XKR4: variants seen among roughly 807,000 people sequenced by gnomAD.
XKR4 encodes the protein XK-related protein 4.
XKR4 carries 12 observed loss-of-function variants against 53.9 expected under a neutral mutation model. The ratio of observed to expected loss-of-function variants is 0.22; its 90% CI spans 0.14 to 0.36. The LOEUF is 0.36. Among genes scored for constraint, XKR4 ranks in the 10% least tolerant of loss-of-function variants. XKR4 has a pLI of 1.00. For synonymous variants in XKR4, 354 were observed against 362.4 expected (o/e 0.98, Z 0.26); for missense variants, 799 against 859.5 (o/e 0.93, Z 0.88).
chr8:55,503,796 C>T (rs1480556595), intron 2 of XKR4, among the ~76,000 whole-genome samples: 1 of 152,102 alleles, frequency 6.6e-6, no homozygotes, highest in Non-Finnish European at 1.5e-5. Context: ...AGAAGAAAAG[C>T]TTTCAGTCTT....
At chr8:55,242,208 C>T (rs146193818) in intron 1 of XKR4, among the ~76,000 whole-genome samples, 119 of 152,280 alleles carry the variant, frequency 7.8e-4, no homozygotes, top group African/African-American at 2.7e-3. Flanking sequence ...AAGCTTTGTT[C>T]TTGTCCTGAT....
intron 1 of XKR4, among the ~76,000 whole-genome samples, chr8:55,159,768 A>T (rs527369653): frequency 6.6e-6 from 1 of 152,216 alleles, no homozygotes. Flanking sequence ...GTAACCCATG[A>T]AGTTGAAACT....
In XKR4 at chr8:55,102,643, G is replaced by A; in HGVS notation, c.155G>A (p.Gly52Asp). The A allele has an allele frequency of 1.5e-6, 2 of 1,350,158 alleles. No homozygotes were observed. Among genetic ancestry groups the A allele is most frequent in the Non-Finnish European group, 1.9e-6 (2 of 1,037,846 alleles). 83.6% of individuals were successfully genotyped at this position (1,350,158 alleles called of 1,614,324 possible). The change falls in exon 1 of 3, where the codon GGC (glycine) becomes GAC (aspartate). Residue 52 changes from glycine to aspartate, a missense_variant. Physicochemically the swap from Gly to Asp is moderately conservative, Grantham distance 94 (BLOSUM62 -1). Around this residue, in one of 3 missense-constraint regions of XKR4, gnomAD observed 476 missense variants for 505.4 expected, o/e 0.94. Coordinates refer to ENST00000327381, the MANE Select transcript of XKR4 (RefSeq NM_052898.2). This position sits in a 1 kb window ranked among gnomAD's most constrained non-coding sequence, Gnocchi z 5.1. ...SGAEDEEAAG[G>D]GCCPDGGGCS... is the part of the protein sequence containing the mutation. ...GCCGAGGACGAGGAGGCGGCCGGGG[G>A]CGGCTGCTGCCCGGACGGCGGCGGC...
intron 2 of XKR4, among the ~76,000 whole-genome samples, chr8:55,422,760 TGCA>T (rs1308049285): frequency 2.0e-5 from 3 of 152,158 alleles, no homozygotes; most frequent in African/African-American, 7.2e-5. Context: ...AATTTAATTC[TGCA>T]GCAAAGCATA....
chr8:55,194,455 G>A (rs1393852882), intron 1 of XKR4, among the ~76,000 whole-genome samples: 1 of 152,126 alleles, frequency 6.6e-6, no homozygotes, highest in Non-Finnish European at 1.5e-5. Context: ...CACGATTGCA[G>A]GACATTATTC....
intron 1 of XKR4, among the ~76,000 whole-genome samples, chr8:55,291,815 G>GT (rs1056990033): frequency 1.9e-4 from 29 of 152,244 alleles, no homozygotes; most frequent in Admixed American, 3.3e-4. Flanking sequence ...TAGGGACAAA[G>GT]TTTTTTGTAG....
At chr8:55,345,350 T>C (rs967005643) in intron 1 of XKR4, among the ~76,000 whole-genome samples, 2 of 152,010 alleles carry the variant, frequency 1.3e-5, no homozygotes, top group Non-Finnish European at 2.9e-5. Flanking sequence ...AAAATAAGCC[T>C]TTATGAAATA....
chr8:55,276,954 A>T (rs912708379), intron 1 of XKR4, among the ~76,000 whole-genome samples: 2 of 152,214 alleles, frequency 1.3e-5, no homozygotes, highest in African/African-American at 4.8e-5. Context: ...GTCATGGAAT[A>T]TTTGTTTATG....
intron 1 of XKR4, among the ~76,000 whole-genome samples, chr8:55,329,683 T>A (rs1803354733): frequency 6.6e-6 from 1 of 152,230 alleles, no homozygotes; most frequent in Non-Finnish European, 1.5e-5. Flanking sequence ...GTTCCTTCTC[T>A]AAAATGTATT....
At chr8:55,400,053 TTG>T (rs1804576794) in intron 2 of XKR4, among the ~76,000 whole-genome samples, 2 of 152,296 alleles carry the variant, frequency 1.3e-5, no homozygotes, top group African/African-American at 4.8e-5. Flanking sequence ...ATCCATACCT[TTG>T]TCTTTCTCAG....
intron 1 of XKR4, among the ~76,000 whole-genome samples, chr8:55,155,370 A>G (rs549209104): frequency 6.1e-4 from 93 of 152,338 alleles, no homozygotes; most frequent in African/African-American, 2.1e-3. Context: ...CGAAGCACAG[A>G]CCAGAACAAA....
intron 1 of XKR4, among the ~76,000 whole-genome samples, chr8:55,297,664 T>TA (rs947207056): frequency 1.3e-4 from 20 of 152,194 alleles, no homozygotes; most frequent in Non-Finnish European, 2.9e-5. Context: ...CATAAGTTTT[T>TA]AAAAAATATT....
At chr8:55,391,836 G>A (rs538997811) in intron 2 of XKR4, among the ~76,000 whole-genome samples, 4 of 152,198 alleles carry the variant, frequency 2.6e-5, no homozygotes, top group African/African-American at 7.2e-5. Context: ...TTAAACCAGT[G>A]TTTTGGCTAT....
chr8:55,295,070 C>T (rs964299436), intron 1 of XKR4, among the ~76,000 whole-genome samples: 2 of 152,092 alleles, frequency 1.3e-5, no homozygotes, highest in East Asian at 1.9e-4. Context: ...TACAAAAATA[C>T]GCATTTTATT....
intron 1 of XKR4, among the ~76,000 whole-genome samples, chr8:55,272,435 A>G (rs1217452281): frequency 2.0e-5 from 3 of 152,346 alleles, no homozygotes; most frequent in African/African-American, 7.2e-5. Context: ...GGTGTTCAAC[A>G]GAATGTGTGG....
intron 1 of XKR4, among the ~76,000 whole-genome samples, chr8:55,271,747 A>C (rs1818693507): frequency 6.6e-6 from 1 of 152,174 alleles, no homozygotes; most frequent in African/African-American, 2.4e-5. Context: ...TTAAGTGGGA[A>C]CTGTGGACAA....
At chr8:55,480,989 A>T (rs1346614696) in intron 2 of XKR4, among the ~76,000 whole-genome samples, 8 of 152,186 alleles carry the variant, frequency 5.3e-5, no homozygotes, top group South Asian at 2.1e-4. Context: ...TAATTTATAG[A>T]TTCAATGCCA....
intron 1 of XKR4, among the ~76,000 whole-genome samples, chr8:55,126,285 C>T (rs1816467770): frequency 6.6e-6 from 1 of 152,138 alleles, no homozygotes; most frequent in African/African-American, 2.4e-5. Flanking sequence ...TTTTGTTCTT[C>T]TGGGGAAACA....
intron 2 of XKR4, among the ~76,000 whole-genome samples, chr8:55,392,012 C>A (rs1051499994): frequency 1.3e-5 from 2 of 152,016 alleles, no homozygotes; most frequent in African/African-American, 4.8e-5. Context: ...TTGTTAGGAA[C>A]CAAGGCTATC....
Sources: gnomAD v4.1 joint callset for allele counts (sites outside exome capture counted in the v4.1 genomes callset) on GRCh38, gnomAD v4.1.1 for gene constraint, gnomAD v4.1.1 regional missense constraint, Gnocchi (gnomAD v3.1) non-coding constraint, MANE v1.5 for transcripts, NCBI Gene and HGNC (gene_info 2026-07-23, HGNC 2026-07-21) for gene names.